Variants in MACROD2 observed in about 807,000 individuals in gnomAD.
The protein encoded by MACROD2 is ADP-ribose glycohydrolase MACROD2.
A neutral mutation model predicts 70.4 loss-of-function variants in MACROD2; 36 were observed. That is an observed-to-expected ratio of 0.51 (90% CI 0.39 to 0.68). The LOEUF (loss-of-function observed/expected upper bound fraction) is 0.68. MACROD2 is among the 30% of genes least tolerant of loss of function. The pLI, the probability that MACROD2 is intolerant of heterozygous loss-of-function variation, is 0.00. For missense variants in MACROD2, 496 were observed against 538.4 expected, an observed-to-expected ratio of 0.92 and a Z score of 0.78; for synonymous variants, 172 against 178.8, an observed-to-expected ratio of 0.96 and a Z score of 0.30.
At chr20:14,664,946 G>A (rs1362714621) in intron 4 of MACROD2, among the ~76,000 whole-genome samples, 5 of 151,956 alleles carry the variant, frequency 3.3e-5, no homozygotes, top group Non-Finnish European at 7.4e-5. Context: ...AAGTTAGAGG[G>A]GTAACAAATG....
intron 3 of MACROD2, among the ~76,000 whole-genome samples, chr20:14,111,108 A>G (rs1412603162): frequency 1.3e-5 from 2 of 152,048 alleles, no homozygotes; most frequent in African/African-American, 4.8e-5. Flanking sequence ...GGTGCCAAGA[A>G]CATACATTGG....
chr20:14,642,114 C>T (rs547620797), intron 4 of MACROD2, among the ~76,000 whole-genome samples: 20 of 152,306 alleles, frequency 1.3e-4, no homozygotes, highest in African/African-American at 4.1e-4. Flanking sequence ...CATCAGCACT[C>T]GCTGCTTCAC....
chr20:15,227,399 C>T (rs2076916491), intron 5 of MACROD2, among the ~76,000 whole-genome samples: 1 of 151,812 alleles, frequency 6.6e-6, no homozygotes. Flanking sequence ...CCCTCGCCCC[C>T]GTTAATATCT....
At chr20:14,251,071 G>A (rs1001072904) in intron 3 of MACROD2, among the ~76,000 whole-genome samples, 1 of 151,934 alleles carries the variant, frequency 6.6e-6, no homozygotes, top group Admixed American at 6.6e-5. Flanking sequence ...TTTATTGCTG[G>A]CACTTCTAGA....
At chr20:14,899,316 C>T (rs2073868355) in intron 5 of MACROD2, among the ~76,000 whole-genome samples, 1 of 152,126 alleles carries the variant, frequency 6.6e-6, no homozygotes, top group South Asian at 2.1e-4. Flanking sequence ...AACAAAGCAC[C>T]ACACACTGAG....
intron 8 of MACROD2, among the ~76,000 whole-genome samples, chr20:15,595,940 A>G (rs1003391823): frequency 2.0e-5 from 3 of 152,132 alleles, no homozygotes; most frequent in Non-Finnish European, 4.4e-5. Context: ...TATAGTAAAA[A>G]TTTTCCTATA....
chr20:15,091,436 T>A (rs2075792479), intron 5 of MACROD2, among the ~76,000 whole-genome samples: 1 of 152,146 alleles, frequency 6.6e-6, no homozygotes, highest in African/African-American at 2.4e-5. Context: ...TTTTTTTTCC[T>A]TTAACTAAAA....
At chr20:14,615,514 G>T (rs994979199) in intron 4 of MACROD2, among the ~76,000 whole-genome samples, 6 of 152,088 alleles carry the variant, frequency 3.9e-5, no homozygotes, top group Admixed American at 3.9e-4. Flanking sequence ...TTAAGGATGG[G>T]TGAGATTTCA....
chr20:15,570,757 A>G (rs964163214), intron 8 of MACROD2, among the ~76,000 whole-genome samples: 1 of 152,202 alleles, frequency 6.6e-6, no homozygotes, highest in African/African-American at 2.4e-5. Flanking sequence ...AAATCCTCAG[A>G]TTCACTCGAA....
chr20:15,648,449 G>T (rs2049587269), intron 8 of MACROD2, among the ~76,000 whole-genome samples: 1 of 152,034 alleles, frequency 6.6e-6, no homozygotes, highest in Non-Finnish European at 1.5e-5. Context: ...CATCTCTGTG[G>T]CAATGTCCAT....
At chr20:15,327,946 C>T (rs555761298) in intron 6 of MACROD2, among the ~76,000 whole-genome samples, 1 of 152,076 alleles carries the variant, frequency 6.6e-6, no homozygotes, top group East Asian at 1.9e-4. Context: ...TTATCACTAT[C>T]CTTGTGGAGT....
chr20:14,227,614 G>A (rs1280485825), intron 3 of MACROD2, among the ~76,000 whole-genome samples: 7 of 152,198 alleles, frequency 4.6e-5, no homozygotes, highest in African/African-American at 1.7e-4. Flanking sequence ...CTCCGGACAC[G>A]CTGCCTTTAA....
At chr20:15,509,820 A>G (rs2047475477) in intron 8 of MACROD2, among the ~76,000 whole-genome samples, 1 of 152,216 alleles carries the variant, frequency 6.6e-6, no homozygotes, top group Non-Finnish European at 1.5e-5. Flanking sequence ...TTCTAGCTTC[A>G]GGATTCTGTG....
chr20:14,092,488 A>G (rs773182278), intron 3 of MACROD2, among the ~76,000 whole-genome samples: 2 of 152,352 alleles, frequency 1.3e-5, no homozygotes, highest in African/African-American at 4.8e-5. Context: ...ATTAGTTAAT[A>G]TAATGGCATG....
At chr20:14,518,560 G>A (rs1027699622) in intron 4 of MACROD2, among the ~76,000 whole-genome samples, 3 of 152,102 alleles carry the variant, frequency 2.0e-5, no homozygotes, top group African/African-American at 7.2e-5. Context: ...GTTAAGTAGA[G>A]TTTTATTACA....
intron 5 of MACROD2, among the ~76,000 whole-genome samples, chr20:15,069,186 TC>T (rs2075600312): frequency 6.6e-6 from 1 of 151,982 alleles, no homozygotes; most frequent in African/African-American, 2.4e-5. Flanking sequence ...GAAGAAGAAA[TC>T]TCTAAGCAGC....
chr20:14,790,054 A>G (rs941870839), intron 5 of MACROD2, among the ~76,000 whole-genome samples: 3 of 152,102 alleles, frequency 2.0e-5, no homozygotes, highest in Admixed American at 6.6e-5. Flanking sequence ...AACCTAAACA[A>G]CATATCTAAT....
At chr20:14,242,509 A>G (rs1400114128) in intron 3 of MACROD2, among the ~76,000 whole-genome samples, 1 of 152,182 alleles carries the variant, frequency 6.6e-6, no homozygotes, top group Admixed American at 6.5e-5. Flanking sequence ...ACTGTGGACC[A>G]CATATATTCA....
intron 3 of MACROD2, among the ~76,000 whole-genome samples, chr20:14,359,255 A>AT (rs1293339394): frequency 2.0e-5 from 3 of 152,114 alleles, no homozygotes; most frequent in East Asian, 3.9e-4. Flanking sequence ...TCTGTAGGGG[A>AT]TTTTTTTCAG....
Sources: allele counts gnomAD v4.1 joint callset (sites outside exome capture counted in the v4.1 genomes callset), GRCh38; gene constraint gnomAD v4.1.1; transcripts MANE v1.5; gene names NCBI Gene and HGNC (gene_info 2026-07-23, HGNC 2026-07-21).